SLC17A1: variants seen among roughly 807,000 people sequenced by gnomAD.
SLC17A1 encodes solute carrier family 17 member 1.
In SLC17A1, 51 loss-of-function variants were observed where a neutral mutation model predicts 53.5. The observed-to-expected ratio is 0.95, with a 90% CI of 0.76 to 1.20. SLC17A1 has a LOEUF of 1.20. SLC17A1 is among the 50% of genes most tolerant of loss of function. The pLI, the probability that SLC17A1 is intolerant of heterozygous loss-of-function variation, is 0.00. For missense variants in SLC17A1, 538 were observed against 568.2 expected (o/e 0.95, Z 0.54); for synonymous variants, 179 against 198.8 (o/e 0.90, Z 0.84).
At chr6:25,773,218 T>C in the SLC17A1 span, 1 of 1,346,006 alleles carries the variant, frequency 7.4e-7, no homozygotes, top group Middle Eastern at 1.8e-4. Context: ...CATCTTAGAG[T>C]CAAACTGAAA....
At chr6:25,733,715 C>T in the SLC17A1 span, among the ~76,000 whole-genome samples, 43 of 151,180 alleles carry the variant, frequency 2.8e-4, no homozygotes, top group Non-Finnish European at 1.2e-4. Context: ...TATAAATACT[C>T]GTATTTATAA....
intron 3 of SLC17A1, among the ~76,000 whole-genome samples, chr6:25,821,853 C>G (rs1764573835): frequency 1.3e-5 from 2 of 152,162 alleles, no homozygotes; most frequent in South Asian, 4.2e-4. Flanking sequence ...AATATATATA[C>G]TCATTTGTAT....
At chr6:25,773,216 A>C in the SLC17A1 span, 2 of 1,299,802 alleles carry the variant, frequency 1.5e-6, no homozygotes, top group South Asian at 2.4e-5. Context: ...ATCATCTTAG[A>C]GTCAAACTGA....
At chr6:25,727,349 A>C in the SLC17A1 span, 1 of 1,443,504 alleles carries the variant, frequency 6.9e-7, no homozygotes, top group Non-Finnish European at 9.3e-7. Flanking sequence ...CCACTTAAAC[A>C]TACTGAAACA....
At chr6:25,829,604 C>T (rs531899544) in intron 2 of SLC17A1, among the ~76,000 whole-genome samples, 1 of 152,262 alleles carries the variant, frequency 6.6e-6, no homozygotes, top group African/African-American at 2.4e-5. Flanking sequence ...ACTCATTTCT[C>T]TCCTCCACAT....
At chr6:25,727,120 T>C in the SLC17A1 span, 98 of 1,614,060 alleles carry the variant, frequency 6.1e-5, 1 homozygote, top group Admixed American at 7.5e-4. Context: ...GTCACTGATA[T>C]CTTTGAGCGT....
the SLC17A1 span, among the ~76,000 whole-genome samples, chr6:25,751,857 G>GAAAAAAGA: frequency 6.6e-6 from 1 of 150,480 alleles, no homozygotes. Context: ...AAAGAAAAAA[G>GAAAAAAGA]AAAAAAAAAG....
At chr6:25,765,926 C>T in the SLC17A1 span, among the ~76,000 whole-genome samples, 4 of 151,910 alleles carry the variant, frequency 2.6e-5, no homozygotes, top group East Asian at 7.7e-4. Context: ...GGCAATAAAA[C>T]AATCCACTAC....
Position 25,819,830 on chromosome 6 carries a change from A to G in SLC17A1, c.293T>C (p.Val98Ala), listed in dbSNP as rs758351782. 1 of 1,614,124 alleles carries G rather than the reference A, an allele frequency of 6.2e-7. No individual in the cohort carries two copies. Among genetic ancestry groups the G allele is most frequent in the East Asian group, 2.2e-5 (1 of 44,882 alleles). Residue 98 changes from valine (V) to alanine (A), a missense_variant, in exon 4 of 13, where the codon GTT becomes GCT. Val to Ala is a moderately conservative substitution (Grantham distance 64). Coordinates refer to ENST00000244527, the MANE Select transcript of SLC17A1 (RefSeq NM_005074.5). ...AGAATATATTCCAGAGAAGTATCCA[A>G]CAGGAACTTGGATGATGATGACACC... ...SYGVIIIQVP[V>A]GYFSGIYSTK...
intron 10 of SLC17A1, among the ~76,000 whole-genome samples, chr6:25,810,431 A>G (rs896423258): frequency 7.2e-5 from 11 of 152,132 alleles, no homozygotes; most frequent in African/African-American, 2.7e-4. Context: ...CAACCCAATT[A>G]AAAAATGGGC....
At chr6:25,812,304 T>A (rs957812750) in intron 8 of SLC17A1, among the ~76,000 whole-genome samples, 12 of 152,198 alleles carry the variant, frequency 7.9e-5, no homozygotes, top group Admixed American at 5.9e-4. Context: ...AGGAGTCTTG[T>A]CTTGTCTGGT....
chr6:25,791,849 C>T (rs546738691), intron 12 of SLC17A1, among the ~76,000 whole-genome samples: 1 of 152,334 alleles, frequency 6.6e-6, no homozygotes, highest in South Asian at 2.1e-4. Flanking sequence ...GTGAAGTGAC[C>T]GAGTCCATTT....
the SLC17A1 span, among the ~76,000 whole-genome samples, chr6:25,763,744 G>A: frequency 1.3e-5 from 2 of 152,116 alleles, no homozygotes; most frequent in African/African-American, 4.8e-5. Context: ...GGGCCTTCAG[G>A]TTCTGCCTGA....
chr6:25,773,482 G>A, the SLC17A1 span: 94 of 1,612,940 alleles, frequency 5.8e-5, no homozygotes, highest in Middle Eastern at 1.6e-4. Flanking sequence ...GCCTTCTGAC[G>A]GAGGGGACAT....
Position 25,811,785 on chromosome 6 carries a change from T to A in SLC17A1, c.898-15A>T, listed in dbSNP as rs775630724. 17 of 1,613,196 alleles carry A rather than the reference T, an allele frequency of 1.1e-5. No homozygotes were observed. In the African/African-American group the frequency reaches 2.1e-4, roughly 20 times the overall value. On this transcript the variant is annotated splice_polypyrimidine_tract_variant and intron_variant, in intron 8 of 12. Coordinates refer to ENST00000244527, the MANE Select transcript of SLC17A1 (RefSeq NM_005074.5). Reference sequence around the variant, plus strand: ...AAGAACCCATTCTGAAGAGGAAACATTATTCTTGGAGTGAGTTTGATGGGT... The same window carrying A: ...AAGAACCCATTCTGAAGAGGAAACAATATTCTTGGAGTGAGTTTGATGGGT...
At chr6:25,813,612 G>A (rs759459658) in intron 6 of SLC17A1, among the ~76,000 whole-genome samples, 8 of 152,284 alleles carry the variant, frequency 5.3e-5, no homozygotes, top group Admixed American at 6.5e-5. Context: ...TACAAGTGCA[G>A]TTTATTTATA....
chr6:25,758,784 T>C, the SLC17A1 span, among the ~76,000 whole-genome samples: 1 of 152,190 alleles, frequency 6.6e-6, no homozygotes, highest in African/African-American at 2.4e-5. Flanking sequence ...GTTTGTTTGT[T>C]TCAATTTCCA....
At chr6:25,784,496 C>G (rs1763336654) in intron 12 of SLC17A1, among the ~76,000 whole-genome samples, 1 of 152,046 alleles carries the variant, frequency 6.6e-6, no homozygotes, top group African/African-American at 2.4e-5. Context: ...ATGGGAGGTA[C>G]CACACACTGT....
intron 2 of SLC17A1, among the ~76,000 whole-genome samples, chr6:25,827,211 T>C (rs1764782231): frequency 6.6e-6 from 1 of 152,046 alleles, no homozygotes; most frequent in South Asian, 2.1e-4. Flanking sequence ...TGCAATCCAT[T>C]GGAGGAAAGT....
Sources: gnomAD v4.1 joint callset for allele counts (sites outside exome capture counted in the v4.1 genomes callset) on GRCh38, gnomAD v4.1.1 for gene constraint, MANE v1.5 for transcripts, NCBI Gene and HGNC (gene_info 2026-07-23, HGNC 2026-07-21) for gene names.